The following JARID2 variants were observed in gnomAD, a reference collection of about 807,000 sequenced individuals.
JARID2 encodes protein Jumonji.
Under a neutral mutation model 125.6 loss-of-function variants are expected in JARID2, and 21 were observed. The observed-to-expected ratio is 0.17, with a 90% CI of 0.12 to 0.24. The LOEUF (loss-of-function observed/expected upper bound fraction) is 0.24. Ranked by LOEUF, JARID2 falls within the 10% of genes least tolerant of loss-of-function variation. The pLI, the probability that JARID2 is intolerant of heterozygous loss-of-function variation, is 1.00. For missense variants in JARID2, 1,303 were observed against 1,639.6 expected, an observed-to-expected ratio of 0.79 and a Z score of 3.55; for synonymous variants, 736 against 661.6, an observed-to-expected ratio of 1.11 and a Z score of -1.73.
chr6:15,247,567 C>G, intron 1 of JARID2: 2 of 980,956 alleles, frequency 2.0e-6, no homozygotes, highest in South Asian at 9.4e-5. Context: ...AATGAACATA[C>G]CTTAGGAATA....
chr6:15,520,414 CTTT>C lies in JARID2; in HGVS notation c.*169_*171del. ...TTTGTTTTAGCATTAAACTGTTGAA[CTTT>C]TTTTTGTACTTAGAAAACCTAGATA... is the stretch of plus-strand genomic sequence containing the variant. On this transcript the variant is annotated 3_prime_UTR_variant, in exon 18 of 18. Coordinates refer to ENST00000341776, the MANE Select transcript of JARID2 (RefSeq NM_004973.4). The C allele has an allele frequency of 1.8e-6, 1 of 562,672 alleles. No homozygotes were observed. Among genetic ancestry groups the C allele is most frequent in the Non-Finnish European group, 2.9e-6 (1 of 342,102 alleles). The allele number at this position is 562,672 out of a possible 1,614,324, so 34.9% of individuals were successfully genotyped here.
intron 3 of JARID2, among the ~76,000 whole-genome samples, chr6:15,435,180 C>A (rs1472549539): frequency 2.0e-5 from 3 of 152,088 alleles, no homozygotes; most frequent in African/African-American, 4.8e-5. Context: ...GCTTTATTTC[C>A]CCTGAATGTG....
chr6:15,286,364 G>T (rs1280835600), intron 1 of JARID2, among the ~76,000 whole-genome samples: 1 of 149,794 alleles, frequency 6.7e-6, no homozygotes, highest in African/African-American at 2.5e-5. Context: ...ATGATTCTCT[G>T]CCTCAGCCGC....
intron 1 of JARID2, among the ~76,000 whole-genome samples, chr6:15,273,957 C>G (rs1248289887): frequency 6.8e-6 from 1 of 146,306 alleles, no homozygotes; most frequent in Non-Finnish European, 1.5e-5. Flanking sequence ...AAGATGGAGT[C>G]TCGCCCTGTC....
Position 15,487,541 on chromosome 6 carries a change from A to C in JARID2, c.905A>C (p.Gln302Pro). 6.2e-7 allele frequency: 1 copy of C among 1,601,002 alleles called. No homozygotes were observed. Among genetic ancestry groups the C allele is most frequent in the Non-Finnish European group, 8.5e-7 (1 of 1,170,910 alleles). ...CGGTCGGCTCAGGACTTACGGAAACAGGTAAAGTCCAGCAGGGGTGCCTAC... is the reference window on the plus strand; with the variant it reads ...CGGTCGGCTCAGGACTTACGGAAACCGGTAAAGTCCAGCAGGGGTGCCTAC... ...LHRSAQDLRK[Q>P]VSKVNGVTRM... Residue 302 changes from glutamine to proline, a missense_variant and splice_region_variant, in exon 6 of 18, where the codon CAG becomes CCG. Gln to Pro is a moderately conservative substitution (Grantham distance 76). Coordinates refer to ENST00000341776, the MANE Select transcript of JARID2 (RefSeq NM_004973.4).
At chr6:15,246,692 G>T (rs774885032) in intron 1 of JARID2, 108 bp downstream of exon 1, 25 of 967,848 alleles carry the variant, frequency 2.6e-5, no homozygotes, top group Non-Finnish European at 4.0e-5. Context: ...CACAGCGTCC[G>T]ATAAGGCTGT....
At chr6:15,412,397 C>G (rs893641253) in intron 3 of JARID2, among the ~76,000 whole-genome samples, 1 of 152,150 alleles carries the variant, frequency 6.6e-6, no homozygotes. Flanking sequence ...CAATCTTTGC[C>G]TCTTGGGTTC....
At chr6:15,344,390 G>A (rs994821709) in intron 1 of JARID2, among the ~76,000 whole-genome samples, 1 of 151,616 alleles carries the variant, frequency 6.6e-6, no homozygotes, top group Non-Finnish European at 1.5e-5. Context: ...TGTCAGACTC[G>A]GCTGATGTAA....
chr6:15,304,827 G>T (rs1761763016), intron 1 of JARID2, among the ~76,000 whole-genome samples: 1 of 152,150 alleles, frequency 6.6e-6, no homozygotes, highest in Non-Finnish European at 1.5e-5. Flanking sequence ...TCCAGTGCTG[G>T]CAGGGGGCAC....
At chr6:15,410,202 T>C (rs753079048) in intron 2 of JARID2, 22 bp from the exon 3 acceptor site, 1 of 1,609,842 alleles carries the variant, frequency 6.2e-7, no homozygotes, top group Admixed American at 1.7e-5. Context: ...TTTAAGTGTT[T>C]GTCCCCTTTT....
intron 3 of JARID2, among the ~76,000 whole-genome samples, chr6:15,449,234 C>T (rs1767810835): frequency 1.3e-5 from 2 of 152,126 alleles, no homozygotes; most frequent in East Asian, 1.9e-4. Context: ...ATTGCCTGAT[C>T]CCACCCTCCC....
chr6:15,465,814 GT>G (rs1177497133), intron 4 of JARID2, among the ~76,000 whole-genome samples: 30 of 144,846 alleles, frequency 2.1e-4, no homozygotes, highest in Admixed American at 5.5e-4. Flanking sequence ...TTGTTTGTTT[GT>G]TTTTTTGAGA....
chr6:15,483,279 A>G (rs1445898639), intron 5 of JARID2, among the ~76,000 whole-genome samples: 1 of 152,144 alleles, frequency 6.6e-6, no homozygotes, highest in African/African-American at 2.4e-5. Context: ...GAAGTGCTTT[A>G]TGTGTAATAG....
intron 7 of JARID2, among the ~76,000 whole-genome samples, chr6:15,500,224 C>T (rs1439515220): frequency 1.3e-5 from 2 of 152,178 alleles, no homozygotes; most frequent in African/African-American, 4.8e-5. Flanking sequence ...CACTGAGCAC[C>T]AGCTTATGCA....
chr6:15,295,282 C>T (rs948168262), intron 1 of JARID2, among the ~76,000 whole-genome samples: 7 of 151,848 alleles, frequency 4.6e-5, no homozygotes, highest in Admixed American at 1.3e-4. Flanking sequence ...CCAACACGCC[C>T]GGCTAATTTT....
In JARID2 at chr6:15,433,410, C is replaced by CTCTGTGTGTG. The variant is rs1241800597; in HGVS notation, c.324-18595_324-18594insCTGTGTGTGT. 8.2e-3 allele frequency among the ~76,000 whole-genome samples: 1,175 copies of CTCTGTGTGTG among 143,488 alleles called. 6 individuals are homozygous for CTCTGTGTGTG. The highest frequency in any genetic ancestry group is 0.017 in the Middle Eastern group (5 of 290). The allele number at this position is 143,488 out of a possible 152,430, so 94.1% of individuals were successfully genotyped here. A position where few individuals can be genotyped will look rare whatever the true frequency, so the allele number is the denominator to read the frequency against. On this transcript the variant is annotated intron_variant, in intron 3 of 17. Coordinates refer to ENST00000341776, the MANE Select transcript of JARID2 (RefSeq NM_004973.4). ...CCTCCTCCCCAACCCCCATGTCTCT[C>CTCTGTGTGTG]TGTGTGTGTGTGTGTGTGTGTGTGT...
chr6:15,285,721 A>G (rs549519867), intron 1 of JARID2, among the ~76,000 whole-genome samples: 22 of 152,326 alleles, frequency 1.4e-4, no homozygotes, highest in African/African-American at 5.3e-4. Context: ...AATTCTAGAA[A>G]AGAAGGCAGC....
intron 4 of JARID2, among the ~76,000 whole-genome samples, chr6:15,458,191 G>T (rs1260027661): frequency 6.6e-6 from 1 of 152,156 alleles, no homozygotes; most frequent in Non-Finnish European, 1.5e-5. Flanking sequence ...TCTCCTCTTT[G>T]TTCTGACTAT....
At chr6:15,429,080 A>G (rs1766862308) in intron 3 of JARID2, among the ~76,000 whole-genome samples, 1 of 152,132 alleles carries the variant, frequency 6.6e-6, no homozygotes. Context: ...GGGTGGGGCG[A>G]GGAATAGGTA....
Sources: gnomAD v4.1 joint callset for allele counts (sites outside exome capture counted in the v4.1 genomes callset) on GRCh38, gnomAD v4.1.1 for gene constraint, MANE v1.5 for transcripts, NCBI Gene and HGNC (gene_info 2026-07-23, HGNC 2026-07-21) for gene names.